PPP1R14D: variants seen among roughly 807,000 people sequenced by gnomAD.
PPP1R14D encodes protein phosphatase 1 regulatory subunit 14D.
Under a neutral mutation model 17.1 loss-of-function variants are expected in PPP1R14D, and 14 were observed. The ratio of observed to expected loss-of-function variants is 0.82; its 90% CI spans 0.54 to 1.28. PPP1R14D has a LOEUF of 1.28. Ranked by LOEUF, PPP1R14D falls within the 50% of genes most tolerant of loss-of-function variation. PPP1R14D has a pLI of 0.00. For synonymous variants in PPP1R14D, 67 were observed against 66.1 expected (o/e 1.01, Z -0.06); for missense variants, 173 against 179.2 (o/e 0.97, Z 0.20).
chr15:40,825,492 C>T (rs912896103), intron 1 of PPP1R14D, among the ~76,000 whole-genome samples: 1 of 152,158 alleles, frequency 6.6e-6, no homozygotes, highest in African/African-American at 2.4e-5. Flanking sequence ...AGACCCCACA[C>T]CAGGCTGCAC....
chr15:40,815,993 G>A lies in PPP1R14D; in HGVS notation c.341C>T (p.Ala114Val), dbSNP rs1299113768. The A allele has an allele frequency of 6.2e-7, 1 of 1,614,046 alleles. No homozygotes were observed. Among genetic ancestry groups the A allele is most frequent in the South Asian group, 1.1e-5 (1 of 91,080 alleles). The change falls in exon 3 of 4, where the codon GCC becomes GTC. Residue 114 changes from alanine to valine, a missense_variant and splice_region_variant. Coordinates refer to ENST00000299174, the MANE Select transcript of PPP1R14D (RefSeq NM_017726.8). ...GGGGCGGGGGCAGTTCCCAAGAATG[G>A]CCTAGATAGGAGAGAACACAGACAG... is the stretch of plus-strand genomic sequence containing the variant. ...STEEQKTQLE[A>V]ILGNCPRPTE...
At chr15:40,816,920 AAAG>A (rs1476311084) in intron 1 of PPP1R14D, among the ~76,000 whole-genome samples, 9 of 151,274 alleles carry the variant, frequency 5.9e-5, no homozygotes, top group African/African-American at 2.2e-4. Flanking sequence ...AAAAATGCAA[AAAG>A]TAGCTGGGCC....
At chr15:40,827,511 A>C (rs1186096871) in intron 1 of PPP1R14D, among the ~76,000 whole-genome samples, 3 of 152,160 alleles carry the variant, frequency 2.0e-5, no homozygotes, top group African/African-American at 7.2e-5. Context: ...GTCTCAAAAA[A>C]AGGCAAAAGA....
chr15:40,828,581 T>C lies in PPP1R14D; in HGVS notation c.61A>G (p.Lys21Glu). 6 of 1,614,186 alleles carry C rather than the reference T, an allele frequency of 3.7e-6. No individual in the cohort carries two copies. The highest frequency in any genetic ancestry group is 4.2e-6 in the Non-Finnish European group (5 of 1,180,018). ...CTCCCAGAAGCCCAGTGGACCTTCT[T>C]ACATGGGTTCTCCCCATCTGGGCTG... ...SPSPDGENPC[K>E]KVHWASGRRR... The change falls in exon 1 of 4, where the codon AAG becomes GAG. Residue 21 changes from lysine to glutamate, a missense_variant. Coordinates refer to ENST00000299174, the MANE Select transcript of PPP1R14D (RefSeq NM_017726.8).
chr15:40,815,798 C>A, intron 3 of PPP1R14D, 37 bp from the exon 4 acceptor site: 1 of 1,562,432 alleles, frequency 6.4e-7, no homozygotes, highest in Non-Finnish European at 8.8e-7. Flanking sequence ...GGCTTGGGGT[C>A]ACAATTCACC....
At chr15:40,820,624 G>A (rs1037088170) in intron 1 of PPP1R14D, among the ~76,000 whole-genome samples, 4 of 151,186 alleles carry the variant, frequency 2.6e-5, no homozygotes, top group Non-Finnish European at 4.4e-5. Flanking sequence ...AGGCTGAGAT[G>A]GGCGGCTCAC....
chr15:40,817,019 G>A (rs370696548), intron 1 of PPP1R14D, among the ~76,000 whole-genome samples: 14 of 151,926 alleles, frequency 9.2e-5, no homozygotes, highest in African/African-American at 2.9e-4. Context: ...TGCAGTGAGC[G>A]GAGATCGTGC....
chr15:40,825,263 C>G (rs566934113), intron 1 of PPP1R14D, among the ~76,000 whole-genome samples: 75 of 135,556 alleles, frequency 5.5e-4, no homozygotes, highest in African/African-American at 2.0e-3. Flanking sequence ...CCAGCCTGGG[C>G]AACAAGAGTG....
chr15:40,816,247 C>G lies in PPP1R14D; in HGVS notation c.262G>C (p.Ala88Pro). The G allele has an allele frequency of 1.2e-6, 2 of 1,613,996 alleles. No homozygotes were observed. The highest frequency in any genetic ancestry group is 1.7e-6 in the Non-Finnish European group (2 of 1,179,910). Reference sequence around the variant, plus strand: ...TCAATCTCAGGCTCAGAAGGGGTTGCTTGATCCTATTTGGAAATCACATGG... The same window carrying G: ...TCAATCTCAGGCTCAGAAGGGGTTGGTTGATCCTATTTGGAAATCACATGG... ...AQVQELFQDQ[A>P]TPSEPEIDLE... The change falls in exon 2 of 4, where the codon GCA becomes CCA. Residue 88 changes from alanine to proline, a missense_variant. By Grantham distance (27) the Ala-to-Pro change is conservative. Transcript: ENST00000299174.
intron 1 of PPP1R14D, among the ~76,000 whole-genome samples, chr15:40,827,377 G>A (rs977182938): frequency 2.3e-4 from 35 of 152,104 alleles, no homozygotes; most frequent in Non-Finnish European, 4.0e-4. Context: ...GCACAGTGGC[G>A]CATGCCTGTA....
intron 1 of PPP1R14D, among the ~76,000 whole-genome samples, chr15:40,819,262 C>T (rs1048994724): frequency 6.6e-6 from 1 of 152,102 alleles, no homozygotes; most frequent in Non-Finnish European, 1.5e-5. Context: ...GCACAAATGT[C>T]AACGTACTGA....
At chr15:40,819,719 A>G (rs1890738006) in intron 1 of PPP1R14D, among the ~76,000 whole-genome samples, 1 of 151,762 alleles carries the variant, frequency 6.6e-6, no homozygotes, top group African/African-American at 2.4e-5. Context: ...TGATTTAAGA[A>G]CTCTTTCTTT....
At position 40,815,718 on chromosome 15, in the gene PPP1R14D, C is replaced by T. The variant is rs753719241; in HGVS notation, c.416G>A (p.Arg139Lys). 4.3e-6 allele frequency: 7 copies of T among 1,613,744 alleles called. No homozygotes were observed. The highest frequency in any genetic ancestry group is 5.9e-6 in the Non-Finnish European group (7 of 1,179,864). The change falls in exon 4 of 4, where the codon AGA becomes AAA. Residue 139 changes from arginine to lysine, a missense_variant. Coordinates refer to ENST00000299174, the MANE Select transcript of PPP1R14D (RefSeq NM_017726.8). ...ELLSQLKKLR[R>K]LSRPQK ...GGCTTATTTCTGAGGCCGGCTGAGTCTCCGGAGTTTCTTGAGTTGACTGAG... is the reference window on the plus strand; with the variant it reads ...GGCTTATTTCTGAGGCCGGCTGAGTTTCCGGAGTTTCTTGAGTTGACTGAG...
At chr15:40,821,874 G>C (rs937434059) in intron 1 of PPP1R14D, among the ~76,000 whole-genome samples, 3 of 152,206 alleles carry the variant, frequency 2.0e-5, no homozygotes, top group South Asian at 2.1e-4. Context: ...GCTGCGGTGA[G>C]GCGAGATCGT....
Position 40,825,654 on chromosome 15 carries a change from C to A in PPP1R14D, c.255+2733G>T, listed in dbSNP as rs115235577. 5.9e-3 allele frequency among the ~76,000 whole-genome samples: 899 copies of A among 152,280 alleles called. 8 individuals are homozygous for A. The highest frequency in any genetic ancestry group is 0.021 in the African/African-American group (857 of 41,558). On this transcript the variant is annotated intron_variant, in intron 1 of 3. Coordinates refer to ENST00000299174, the MANE Select transcript of PPP1R14D (RefSeq NM_017726.8). ...CCCTGGTGGGTGGGCAGGGGCTCTC[C>A]GTAAACTGGAATGGAGCAGAGTAAG...
intron 1 of PPP1R14D, chr15:40,817,125 G>A (rs1324989089): frequency 6.1e-6 from 1 of 163,134 alleles, no homozygotes; most frequent in Admixed American, 6.4e-5. Context: ...GGGAGGCCAA[G>A]GCGGGTGTAT....
chr15:40,816,478 C>T (rs757178652), intron 1 of PPP1R14D, among the ~76,000 whole-genome samples: 4 of 151,722 alleles, frequency 2.6e-5, no homozygotes, highest in Admixed American at 2.0e-4. Flanking sequence ...TTCGGGAGGC[C>T]GAGGCAGGCA....
intron 1 of PPP1R14D, among the ~76,000 whole-genome samples, chr15:40,820,729 C>T (rs904461752): frequency 6.6e-6 from 1 of 151,416 alleles, no homozygotes; most frequent in African/African-American, 2.4e-5. Flanking sequence ...GGTGTTCTGA[C>T]GTACACCTGT....
rs571521440 is a variant in PPP1R14D at position 40,817,957 on chromosome 15, T to C, written c.256-1704A>G. Among the ~76,000 whole-genome samples the C allele has an allele frequency of 1.6e-3, 241 of 152,164 alleles. 1 individual carries two copies. The highest frequency in any genetic ancestry group is 6.8e-3 in the Middle Eastern group (2 of 294). ...CAGTCCATTAATTGCACTCCCTTGG[T>C]ATTTACCCAAATGAGATGAAAACAC... is the stretch of plus-strand genomic sequence containing the variant. On this transcript the variant is annotated intron_variant, in intron 1 of 3. Coordinates refer to ENST00000299174, the MANE Select transcript of PPP1R14D (RefSeq NM_017726.8).
Sources: gnomAD v4.1 joint callset for allele counts (sites outside exome capture counted in the v4.1 genomes callset) on GRCh38, gnomAD v4.1.1 for gene constraint, MANE v1.5 for transcripts, NCBI Gene and HGNC (gene_info 2026-07-23, HGNC 2026-07-21) for gene names.